Variants in PDE4D observed in about 807,000 individuals in gnomAD.
PDE4D encodes phosphodiesterase 4D.
In PDE4D, 24 loss-of-function variants were observed where a neutral mutation model predicts 87.4. The observed-to-expected ratio is 0.27, with a 90% CI of 0.20 to 0.39. The LOEUF (loss-of-function observed/expected upper bound fraction) is 0.39. Among genes scored for constraint, PDE4D ranks in the 10% least tolerant of loss-of-function variants. The pLI is 1.00. For missense variants in PDE4D, 714 were observed against 1,041.0 expected (o/e 0.69, Z 4.32); for synonymous variants, 384 against 383.2 (o/e 1.00, Z -0.02).
At chr5:59,527,221 T>C (rs900599034) in intron 1 of PDE4D, among the ~76,000 whole-genome samples, 1 of 152,236 alleles carries the variant, frequency 6.6e-6, no homozygotes, top group African/African-American at 2.4e-5. Context: ...TATAAGCTTA[T>C]ATGTAAATTT....
chr5:60,107,680 C>T (rs1777153128), intron 2 of PDE4D, among the ~76,000 whole-genome samples: 1 of 152,132 alleles, frequency 6.6e-6, no homozygotes, highest in African/African-American at 2.4e-5. Flanking sequence ...GGGCTTCATC[C>T]CTGGGATGCA....
chr5:59,089,678 C>A (rs779760475), intron 5 of PDE4D, among the ~76,000 whole-genome samples: 8 of 152,004 alleles, frequency 5.3e-5, no homozygotes, highest in Non-Finnish European at 1.0e-4. Context: ...TATAAAAGGA[C>A]CACTAGACTA....
At chr5:59,999,622 A>C (rs2152837702) in intron 2 of PDE4D, among the ~76,000 whole-genome samples, 1 of 152,034 alleles carries the variant, frequency 6.6e-6, no homozygotes, top group South Asian at 2.1e-4. Flanking sequence ...GCCAATTTAT[A>C]AGGACTGAAG....
At chr5:59,291,275 C>T (rs957005731) in intron 1 of PDE4D, among the ~76,000 whole-genome samples, 1 of 152,044 alleles carries the variant, frequency 6.6e-6, no homozygotes, top group African/African-American at 2.4e-5. Flanking sequence ...GTCCTGTCAT[C>T]TGCAACAATA....
intron 1 of PDE4D, among the ~76,000 whole-genome samples, chr5:60,458,844 T>A (rs1030195004): frequency 3.0e-4 from 46 of 152,104 alleles, no homozygotes; most frequent in African/African-American, 1.1e-3. Flanking sequence ...CAAGCAAATA[T>A]CAGAATAGTC....
intron 1 of PDE4D, among the ~76,000 whole-genome samples, chr5:59,669,060 A>G (rs1390732617): frequency 4.6e-5 from 7 of 152,162 alleles, no homozygotes; most frequent in Admixed American, 1.3e-4. Context: ...AGAAAATAAA[A>G]GGCTTTGGTT....
intron 1 of PDE4D, among the ~76,000 whole-genome samples, chr5:59,612,727 AG>A (rs1478681097): frequency 6.6e-6 from 1 of 152,194 alleles, no homozygotes; most frequent in Non-Finnish European, 1.5e-5. Context: ...CTCACTCTGA[AG>A]ATATCCAAAT....
At chr5:59,612,931 T>C (rs921968580) in intron 1 of PDE4D, among the ~76,000 whole-genome samples, 3 of 151,686 alleles carry the variant, frequency 2.0e-5, no homozygotes, top group South Asian at 2.1e-4. Flanking sequence ...CAGGAAAAAA[T>C]AGTAGATTAT....
intron 1 of PDE4D, among the ~76,000 whole-genome samples, chr5:59,736,032 G>T (rs1758020570): frequency 6.6e-6 from 1 of 151,640 alleles, no homozygotes; most frequent in South Asian, 2.1e-4. Flanking sequence ...AGAAATAGTT[G>T]CTTAAAATAA....
At chr5:60,078,863 T>C (rs973743935) in intron 2 of PDE4D, among the ~76,000 whole-genome samples, 5 of 152,210 alleles carry the variant, frequency 3.3e-5, no homozygotes, top group Non-Finnish European at 4.4e-5. Flanking sequence ...GCATGTATCT[T>C]TGTAGTAGAA....
chr5:60,066,168 C>T (rs1582475357), intron 2 of PDE4D, among the ~76,000 whole-genome samples: 4 of 152,222 alleles, frequency 2.6e-5, no homozygotes, highest in Admixed American at 2.6e-4. Context: ...TTTTGATTTG[C>T]ATTTCTCTGA....
intron 1 of PDE4D, among the ~76,000 whole-genome samples, chr5:59,714,032 T>C (rs1270582938): frequency 1.3e-5 from 2 of 152,122 alleles, no homozygotes; most frequent in African/African-American, 4.8e-5. Flanking sequence ...CTGTTGTGAA[T>C]GCAGGCCTGG....
rs79124555 is a variant in PDE4D, at chr5:60,083,810, A to T, written c.43-95093T>A. ...CTTAGAACTTTAAGTAACAGTCTTA[A>T]TAATGGGCTTGTTCCTTGACAGTTG... On this transcript the variant is annotated intron_variant, in intron 2 of 16. Coordinates refer to the PDE4D transcript ENST00000502484. Among the ~76,000 whole-genome samples, 1,072 of 152,322 alleles carry T rather than the reference A, an allele frequency of 7.0e-3. 22 individuals are homozygous for T. Among genetic ancestry groups the T allele is most frequent in the East Asian group, 0.045 (234 of 5,186 alleles).
At chr5:60,115,689 A>AT (rs1401204664) in intron 2 of PDE4D, among the ~76,000 whole-genome samples, 1 of 152,014 alleles carries the variant, frequency 6.6e-6, no homozygotes, top group Non-Finnish European at 1.5e-5. Context: ...CTCTTTGTGT[A>AT]TTTTTTCTCT....
At chr5:59,728,479 T>G (rs1756918125) in intron 1 of PDE4D, among the ~76,000 whole-genome samples, 1 of 152,044 alleles carries the variant, frequency 6.6e-6, no homozygotes, top group African/African-American at 2.4e-5. Context: ...ATTCAAATGC[T>G]CAGTAATAAG....
intron 1 of PDE4D, among the ~76,000 whole-genome samples, chr5:60,487,165 C>T (rs962942646): frequency 6.6e-6 from 1 of 152,186 alleles, no homozygotes; most frequent in African/African-American, 2.4e-5. Flanking sequence ...TAAACCTTGT[C>T]AGCAACAGAA....
intron 1 of PDE4D, among the ~76,000 whole-genome samples, chr5:59,877,479 TAAAA>T (rs70975344): frequency 4.9e-5 from 5 of 102,390 alleles, no homozygotes; most frequent in Non-Finnish European, 8.2e-5. Context: ...TGCCAGAACC[TAAAA>T]AAAAAAAAAA....
At chr5:60,314,534 A>G (rs1583391254) in intron 1 of PDE4D, among the ~76,000 whole-genome samples, 1 of 151,958 alleles carries the variant, frequency 6.6e-6, no homozygotes, top group African/African-American at 2.4e-5. Context: ...TGTGCACAAC[A>G]TGCAGGTTGG....
At position 60,008,708 on chromosome 5, in the gene PDE4D, T is replaced by C. The variant is rs556745246; in HGVS notation, c.43-19991A>G. ...AGAATGAATGAATATTTGGGGGAAA[T>C]AATGTCATATTATTGATTTATGCTT... On this transcript the variant is annotated intron_variant, in intron 2 of 16. Coordinates refer to the PDE4D transcript ENST00000502484. 8.5e-5 allele frequency among the ~76,000 whole-genome samples: 13 copies of C among 152,156 alleles called. No homozygotes were observed. In the South Asian group the frequency reaches 2.3e-3, roughly 27 times the overall value.
Sources: allele counts gnomAD v4.1 joint callset (sites outside exome capture counted in the v4.1 genomes callset), GRCh38; gene constraint gnomAD v4.1.1; transcripts MANE v1.5; gene names NCBI Gene and HGNC (gene_info 2026-07-23, HGNC 2026-07-21).